KIAA1328: variants seen among roughly 807,000 people sequenced by gnomAD.
KIAA1328 encodes the protein protein hinderin.
KIAA1328 carries 52 observed loss-of-function variants against 68.1 expected under a neutral mutation model. The observed-to-expected ratio is 0.76, with a 90% confidence interval of 0.61 to 0.96. The LOEUF (loss-of-function observed/expected upper bound fraction) is 0.96. KIAA1328 is among the 40% of genes least tolerant of loss of function. The probability of loss-of-function intolerance (pLI) is 0.00; values close to 1 mark genes in which losing one functional copy is unlikely to be tolerated. For missense variants in KIAA1328, 641 were observed against 677.6 expected (o/e 0.95, Z 0.60); for synonymous variants, 232 against 239.4 (o/e 0.97, Z 0.28).
chr18:37,110,626 A>G (rs1463420445), intron 7 of KIAA1328, among the ~76,000 whole-genome samples: 1 of 152,218 alleles, frequency 6.6e-6, no homozygotes, highest in African/African-American at 2.4e-5. Context: ...TACACTTAGG[A>G]TGAACAAACA....
At chr18:37,127,683 A>G (rs1411286440) in intron 7 of KIAA1328, among the ~76,000 whole-genome samples, 1 of 152,232 alleles carries the variant, frequency 6.6e-6, no homozygotes, top group Non-Finnish European at 1.5e-5. Flanking sequence ...GATTCAATGC[A>G]ATCCAAATCA....
intron 9 of KIAA1328, among the ~76,000 whole-genome samples, chr18:37,181,447 G>T (rs1245565140): frequency 2.0e-5 from 3 of 151,990 alleles, no homozygotes; most frequent in Non-Finnish European, 4.4e-5. Flanking sequence ...TTAGGTGTTT[G>T]ATGAAAAGAT....
intron 9 of KIAA1328, among the ~76,000 whole-genome samples, chr18:37,211,173 A>G (rs1197268468): frequency 1.3e-5 from 2 of 152,198 alleles, no homozygotes; most frequent in Non-Finnish European, 2.9e-5. Flanking sequence ...CTTTTGCTTT[A>G]GTGTCACCTC....
intron 6 of KIAA1328, among the ~76,000 whole-genome samples, chr18:36,963,498 G>A (rs957768645): frequency 2.6e-5 from 4 of 152,180 alleles, no homozygotes; most frequent in African/African-American, 9.7e-5. Context: ...AAGACATGTG[G>A]AAAAGACTCT....
chr18:36,886,547 T>A (rs556895646), intron 5 of KIAA1328: 3 of 152,010 alleles, frequency 2.0e-5, no homozygotes, highest in Non-Finnish European at 4.4e-5. Context: ...TAGCATTATT[T>A]GTAAGAAGAT....
chr18:37,030,947 C>T (rs1009360333), intron 6 of KIAA1328, among the ~76,000 whole-genome samples: 5 of 151,944 alleles, frequency 3.3e-5, no homozygotes, highest in African/African-American at 1.2e-4. Flanking sequence ...GTTTTCTGTC[C>T]TTGGGATAGT....
chr18:36,956,570 C>T (rs560574968), intron 5 of KIAA1328, among the ~76,000 whole-genome samples: 17 of 150,646 alleles, frequency 1.1e-4, no homozygotes, highest in African/African-American at 4.2e-4. Flanking sequence ...TAGAAATCTG[C>T]TATATCAAGA....
At chr18:37,069,550 G>T (rs999847451) in intron 7 of KIAA1328, among the ~76,000 whole-genome samples, 2 of 152,044 alleles carry the variant, frequency 1.3e-5, no homozygotes, top group African/African-American at 4.8e-5. Flanking sequence ...GGAGATGTTC[G>T]CTCTGCTTCT....
chr18:37,096,879 G>A (rs1234250639), intron 7 of KIAA1328, among the ~76,000 whole-genome samples: 1 of 152,184 alleles, frequency 6.6e-6, no homozygotes, highest in Non-Finnish European at 1.5e-5. Context: ...CTTCTTTTGA[G>A]AAGTGTCTGT....
chr18:36,846,070 C>T (rs994291786), intron 4 of KIAA1328, among the ~76,000 whole-genome samples: 4 of 151,580 alleles, frequency 2.6e-5, no homozygotes, highest in Non-Finnish European at 4.4e-5. Context: ...TGCTGAGTTT[C>T]CTCTACTGGA....
At chr18:37,079,115 T>G in intron 7 of KIAA1328, among the ~76,000 whole-genome samples, 1 of 144,064 alleles carries the variant, frequency 6.9e-6, no homozygotes, top group East Asian at 1.9e-4. Flanking sequence ...ATTAAGAAAA[T>G]GTGGCACATA....
intron 6 of KIAA1328, among the ~76,000 whole-genome samples, chr18:36,997,456 T>G (rs2053434115): frequency 6.6e-6 from 1 of 152,152 alleles, no homozygotes. Context: ...TCTGGAATTG[T>G]GCAATCCTGG....
intron 4 of KIAA1328, among the ~76,000 whole-genome samples, chr18:36,857,667 A>G (rs1377288897): frequency 6.6e-6 from 1 of 152,226 alleles, no homozygotes; most frequent in Non-Finnish European, 1.5e-5. Flanking sequence ...ATTAGCTTTC[A>G]GAGTTCTGAA....
In KIAA1328 at chr18:37,179,030, C is replaced by T. The variant is rs923714061; in HGVS notation, c.1523+5949C>T. Reference sequence around the variant, plus strand: ...TTTTCTCCCATTCTGCAGGTTGTCTCATCACTCTGTTAATTGTGTCCTTTG... The same window carrying T: ...TTTTCTCCCATTCTGCAGGTTGTCTTATCACTCTGTTAATTGTGTCCTTTG... On this transcript the variant is annotated intron_variant, in intron 9 of 9. Transcript: ENST00000280020. Among the ~76,000 whole-genome samples the T allele has an allele frequency of 2.6e-5, 4 of 152,262 alleles. 1 individual carries two copies. The highest frequency in any genetic ancestry group is 9.6e-5 in the African/African-American group (4 of 41,568).
Position 37,222,621 on chromosome 18 carries a change from G to T in KIAA1328, c.*394G>T. 1 of 1,031,554 alleles carries T rather than the reference G, an allele frequency of 9.7e-7. No individual in the cohort carries two copies. The highest frequency in any genetic ancestry group is 3.6e-5 in the South Asian group (1 of 27,650). The allele number at this position is 1,031,554 out of a possible 1,614,324, so 63.9% of individuals were successfully genotyped here. A position where few individuals can be genotyped will look rare whatever the true frequency, so the allele number is the denominator to read the frequency against. ...AACCTTTCCACTGAAAAATCCCTCTGATTTAAAAGTAACCCCTTTGAAACA... is the reference window on the plus strand; with the variant it reads ...AACCTTTCCACTGAAAAATCCCTCTTATTTAAAAGTAACCCCTTTGAAACA... On this transcript the variant is annotated 3_prime_UTR_variant, in exon 10 of 10. Coordinates refer to ENST00000280020, the MANE Select transcript of KIAA1328 (RefSeq NM_020776.3).
At chr18:37,131,125 ACTAGACAAGATCCTTT>A (rs2058512164) in intron 7 of KIAA1328, among the ~76,000 whole-genome samples, 1 of 152,256 alleles carries the variant, frequency 6.6e-6, no homozygotes, top group Non-Finnish European at 1.5e-5. Flanking sequence ...TTTGGGAACA[ACTAGACAAGATCCTTT>A]CTATGCTTGA....
chr18:36,911,219 C>A (rs1188649277), intron 5 of KIAA1328, among the ~76,000 whole-genome samples: 5 of 152,056 alleles, frequency 3.3e-5, no homozygotes, highest in African/African-American at 1.2e-4. Flanking sequence ...TAAACTAATG[C>A]CTAGGTTTAG....
chr18:36,835,444 A>G (rs2046642657), intron 3 of KIAA1328, 68 bp downstream of exon 3: 4 of 1,415,556 alleles, frequency 2.8e-6, no homozygotes, highest in Non-Finnish European at 3.9e-6. Context: ...CAAAAAGGGT[A>G]GAAGAACCTT....
At chr18:36,837,688 AT>A (rs992294980) in intron 3 of KIAA1328, among the ~76,000 whole-genome samples, 6 of 151,484 alleles carry the variant, frequency 4.0e-5, no homozygotes, top group Non-Finnish European at 7.4e-5. Flanking sequence ...ATTTGTGCCT[AT>A]TTTTTTTCTA....
Sources: gnomAD v4.1 joint callset for allele counts (sites outside exome capture counted in the v4.1 genomes callset) on GRCh38, gnomAD v4.1.1 for gene constraint, MANE v1.5 for transcripts, NCBI Gene and HGNC (gene_info 2026-07-23, HGNC 2026-07-21) for gene names.